Variants in IFNGR1 observed in about 807,000 individuals in gnomAD.
IFNGR1 encodes interferon gamma receptor 1.
A neutral mutation model predicts 35.4 loss-of-function variants in IFNGR1; 23 were observed. That is an observed-to-expected ratio of 0.65 (90% confidence interval 0.47 to 0.92). The LOEUF (loss-of-function observed/expected upper bound fraction) is 0.92, where lower values mean the gene tolerates loss of function less well. IFNGR1 is among the 40% of genes least tolerant of loss of function. The pLI, the probability that IFNGR1 is intolerant of heterozygous loss-of-function variation, is 0.00. For missense variants in IFNGR1, 533 were observed against 583.4 expected, an observed-to-expected ratio of 0.91 and a Z score of 0.89; for synonymous variants, 199 against 209.5, an observed-to-expected ratio of 0.95 and a Z score of 0.43.
chr6:137,199,399 A>G (rs1181675641), intron 6 of IFNGR1, among the ~76,000 whole-genome samples: 2 of 125,686 alleles, frequency 1.6e-5, no homozygotes, highest in East Asian at 2.1e-4. Context: ...CATAAAATAT[A>G]TAATTTATAA....
At chr6:137,213,227 C>G (rs920819841) in intron 1 of IFNGR1, among the ~76,000 whole-genome samples, 66 of 152,132 alleles carry the variant, frequency 4.3e-4, no homozygotes, top group Admixed American at 3.9e-4. Flanking sequence ...ATTATTATCT[C>G]TGGGGCTTAA....
chr6:137,212,086 C>T (rs531660753), intron 1 of IFNGR1, among the ~76,000 whole-genome samples: 4 of 152,294 alleles, frequency 2.6e-5, no homozygotes, highest in African/African-American at 9.6e-5. Flanking sequence ...CCAGGTGGCA[C>T]TTTCAGCACT....
chr6:137,215,446 T>TA, intron 1 of IFNGR1: 1 of 984,632 alleles, frequency 1.0e-6, no homozygotes, highest in Non-Finnish European at 1.5e-6. Flanking sequence ...AACAGATACC[T>TA]AGTATTCTGA....
In IFNGR1 at chr6:137,218,287, AAAAG is replaced by A. The variant is rs1287483407; in HGVS notation, c.85+952_85+955del. Among the ~76,000 whole-genome samples the A allele has an allele frequency of 9.1e-5, 9 of 98,626 alleles. No homozygotes were observed. The South Asian group carries it at 3.0e-3, about 33-fold the overall frequency. 64.7% of individuals were successfully genotyped at this position (98,626 alleles called of 152,430 possible). ...CTATGAATCATAAATCATAATAAAA[AAAAG>A]AAAACTGAATTGAAAAGGTTTACTG... is the stretch of plus-strand genomic sequence containing the variant. On this transcript the variant is annotated intron_variant, in intron 1 of 6. Transcript: ENST00000367739.
At position 137,206,274 on chromosome 6, in the gene IFNGR1, T is replaced by C; in HGVS notation, c.235A>G (p.Asn79Asp). ...KNSEWIDACINISHHYCNISD... is the reference protein window; with the variant it reads ...KNSEWIDACIDISHHYCNISD... Reference sequence around the variant, plus strand: ...ATATTACAATAATGATGAGAAATATTGATGCAGGCATCAATCCATTCTGAA... The same window carrying C: ...ATATTACAATAATGATGAGAAATATCGATGCAGGCATCAATCCATTCTGAA... Residue 79 changes from asparagine to aspartate, a missense_variant, in exon 3 of 7, where the codon AAT becomes GAT. Transcript: ENST00000367739. The C allele has an allele frequency of 6.2e-7, 1 of 1,609,990 alleles. No homozygotes were observed.
chr6:137,199,399 ATAATT>A (rs1562283094), intron 6 of IFNGR1, among the ~76,000 whole-genome samples: 1 of 125,708 alleles, frequency 8.0e-6, no homozygotes, highest in African/African-American at 3.0e-5. Flanking sequence ...CATAAAATAT[ATAATT>A]TATAATATAT....
intron 6 of IFNGR1, among the ~76,000 whole-genome samples, chr6:137,199,441 A>ATATATAAAACTTATAT (rs1562283150): frequency 1.5e-4 from 6 of 39,122 alleles, no homozygotes; most frequent in Non-Finnish European, 3.0e-4. Flanking sequence ...TTATAATATA[A>ATATATAAAACTTATAT]TATATAAAAT....
Position 137,197,617 on chromosome 6 carries a change from G to A in IFNGR1, c.*414C>T, listed in dbSNP as rs1356124752. ...TAAGTCCAATTTTGAAAAGCTTGCA[G>A]AATTTCTTCTGAAATTACTTAAAAT... On this transcript the variant is annotated 3_prime_UTR_variant, in exon 7 of 7. Transcript: ENST00000367739. The A allele has an allele frequency of 6.4e-6, 1 of 155,144 alleles. No individual in the cohort carries two copies. The highest frequency in any genetic ancestry group is 2.4e-5 in the African/African-American group (1 of 41,422). The allele number at this position is 155,144 out of a possible 1,614,324, so 9.6% of individuals were successfully genotyped here.
chr6:137,202,485 G>C (rs547123223), intron 5 of IFNGR1, among the ~76,000 whole-genome samples: 5 of 151,798 alleles, frequency 3.3e-5, no homozygotes, highest in Non-Finnish European at 7.4e-5. Flanking sequence ...TTGAATTTTA[G>C]GTGTTTGTTC....
At chr6:137,203,813 A>G in intron 4 of IFNGR1, 128 bp from the exon 5 acceptor site, 1 of 768,732 alleles carries the variant, frequency 1.3e-6, no homozygotes, top group Non-Finnish European at 2.2e-6. Context: ...ATGTCTAAAA[A>G]TAGCTTTACT....
At chr6:137,219,221 G>C in intron 1 of IFNGR1, 22 bp downstream of exon 1, 1 of 1,596,970 alleles carries the variant, frequency 6.3e-7, no homozygotes, top group East Asian at 2.3e-5. Flanking sequence ...CCCGGCCGCA[G>C]CCCTGCCGCG....
chr6:137,206,315 A>T lies in IFNGR1; in HGVS notation c.201-7T>A. On this transcript the variant is annotated splice_polypyrimidine_tract_variant and splice_region_variant and intron_variant, in intron 2 of 6. Coordinates refer to ENST00000367739, the MANE Select transcript of IFNGR1 (RefSeq NM_000416.3). ...CCATTCTGAATTCTTAACACTAAAA[A>T]GAATAAAAAAATGCGAAGATAACTT... 1 of 1,586,054 alleles carries T rather than the reference A, an allele frequency of 6.3e-7. No homozygotes were observed. The highest frequency in any genetic ancestry group is 8.7e-7 in the Non-Finnish European group (1 of 1,155,074).
intron 5 of IFNGR1, among the ~76,000 whole-genome samples, chr6:137,201,498 C>A (rs780990512): frequency 6.6e-6 from 1 of 152,006 alleles, no homozygotes; most frequent in Non-Finnish European, 1.5e-5. Flanking sequence ...CATGGTGAAA[C>A]CCCATCTCTA....
intron 2 of IFNGR1, 81 bp downstream of exon 2, chr6:137,206,882 G>A (rs1301318101): frequency 2.7e-6 from 3 of 1,091,036 alleles, no homozygotes; most frequent in Non-Finnish European, 2.8e-6. Flanking sequence ...TGGGAAGGCT[G>A]ATGAAAGAAC....
rs1779116706 is a variant in IFNGR1 at position 137,197,615 on chromosome 6, C to A, written c.*416G>T. 1.3e-5 allele frequency: 2 copies of A among 154,618 alleles called. No individual in the cohort carries two copies. Among genetic ancestry groups the A allele is most frequent in the Admixed American group, 1.3e-4 (2 of 15,640 alleles). The allele number at this position is 154,618 out of a possible 1,614,324, so 9.6% of individuals were successfully genotyped here. ...TTTAAGTCCAATTTTGAAAAGCTTGCAGAATTTCTTCTGAAATTACTTAAA... is the reference window on the plus strand; with the variant it reads ...TTTAAGTCCAATTTTGAAAAGCTTGAAGAATTTCTTCTGAAATTACTTAAA... On this transcript the variant is annotated 3_prime_UTR_variant, in exon 7 of 7. Transcript: ENST00000367739.
At chr6:137,203,756 T>C in intron 4 of IFNGR1, 71 bp from the exon 5 acceptor site, 1 of 1,206,080 alleles carries the variant, frequency 8.3e-7, no homozygotes, top group Non-Finnish European at 1.2e-6. Context: ...AATCACCATA[T>C]TAGTCCTGGT....
In IFNGR1 at chr6:137,197,984, A is replaced by C; in HGVS notation, c.*47T>G. ...TCTTTTCATGAAATTAAAGCAGAAAACTGTCCAGGAAAATCAGACTTCAAA... is the reference window on the plus strand; with the variant it reads ...TCTTTTCATGAAATTAAAGCAGAAACCTGTCCAGGAAAATCAGACTTCAAA... On this transcript the variant is annotated 3_prime_UTR_variant, in exon 7 of 7. Coordinates refer to ENST00000367739, the MANE Select transcript of IFNGR1 (RefSeq NM_000416.3). The C allele has an allele frequency of 6.2e-7, 1 of 1,612,578 alleles. No individual in the cohort carries two copies. Among genetic ancestry groups the C allele is most frequent in the South Asian group, 1.1e-5 (1 of 90,444 alleles).
chr6:137,214,005 A>G (rs1189880785), intron 1 of IFNGR1, among the ~76,000 whole-genome samples: 1 of 152,246 alleles, frequency 6.6e-6, no homozygotes, highest in African/African-American at 2.4e-5. Flanking sequence ...CAACCTCTTC[A>G]TGGGAAGAGC....
rs1488394610 is a variant in IFNGR1, at chr6:137,198,370, C to T, written c.1131G>A (p.Glu377=). Residue 377 remains glutamate (E), a synonymous_variant, in exon 7 of 7, where the codon GAG becomes GAA. Coordinates refer to ENST00000367739, the MANE Select transcript of IFNGR1 (RefSeq NM_000416.3). ...PGSHLTPIER[E]SSSPLSSNQS... ...GGTTACTACTTAAAGGTGAAGAACT[C>T]TCTCTCTCTATTGGAGTCAGATGGC... 2 of 1,614,140 alleles carry T rather than the reference C, an allele frequency of 1.2e-6. No homozygotes were observed. Among genetic ancestry groups the T allele is most frequent in the East Asian group, 2.2e-5 (1 of 44,886 alleles).
Sources: gnomAD v4.1 joint callset for allele counts (sites outside exome capture counted in the v4.1 genomes callset) on GRCh38, gnomAD v4.1.1 for gene constraint, MANE v1.5 for transcripts, NCBI Gene and HGNC (gene_info 2026-07-23, HGNC 2026-07-21) for gene names.